The following MAPKAPK5 variants were observed in gnomAD, a reference collection of about 807,000 sequenced individuals.
MAPKAPK5 encodes the protein MAP kinase-activated protein kinase 5.
Under a neutral mutation model 65.1 loss-of-function variants are expected in MAPKAPK5, and 30 were observed. That is an observed-to-expected ratio of 0.46 (90% CI 0.34 to 0.63). MAPKAPK5 has a LOEUF of 0.63. Among genes scored for constraint, MAPKAPK5 ranks in the 20% least tolerant of loss-of-function variants. MAPKAPK5 has a pLI of 0.01. For synonymous variants in MAPKAPK5, 179 were observed against 204.6 expected (o/e 0.87, Z 1.07); for missense variants, 433 against 581.4 (o/e 0.74, Z 2.63).
chr12:111,888,699 T>C, intron 11 of MAPKAPK5, 81 bp downstream of exon 11: 1 of 1,577,614 alleles, frequency 6.3e-7, no homozygotes, highest in South Asian at 1.2e-5. Context: ...AAATTTAACT[T>C]GCTCAGCTAG....
At chr12:111,871,502 G>C (rs1411270259) in intron 7 of MAPKAPK5, among the ~76,000 whole-genome samples, 1 of 152,128 alleles carries the variant, frequency 6.6e-6, no homozygotes, top group Non-Finnish European at 1.5e-5. Flanking sequence ...AATTAGCCGA[G>C]TGTGGTGGCG....
rs1275416284 is a variant in MAPKAPK5 at position 111,895,776 on chromosome 12, A to C, written c.*2715A>C. ...AAACTCCTGACCTCGTGATCCGCCC[A>C]CCTCGGCCTCCCAAAGTGCTGGGAT... On this transcript the variant is annotated 3_prime_UTR_variant, in exon 14 of 14. Transcript: ENST00000550735. 6.6e-6 allele frequency: 1 copy of C among 151,938 alleles called. No individual in the cohort carries two copies. The highest frequency in any genetic ancestry group is 1.9e-4 in the East Asian group (1 of 5,158). 9.4% of individuals were successfully genotyped at this position (151,938 alleles called of 1,614,324 possible). A position where few individuals can be genotyped will look rare whatever the true frequency, so the allele number is the denominator to read the frequency against.
At position 111,867,645 on chromosome 12, in the gene MAPKAPK5, A is replaced by G. The variant is rs753486641; in HGVS notation, c.260A>G (p.Gln87Arg). The G allele has an allele frequency of 1.2e-6, 2 of 1,613,870 alleles. No homozygotes were observed. Among genetic ancestry groups the G allele is most frequent in the East Asian group, 4.5e-5 (2 of 44,888 alleles). The change falls in exon 4 of 14, where the codon CAG becomes CGG. Residue 87 changes from glutamine (Q) to arginine (R), a missense_variant. Gln to Arg is a conservative substitution (Grantham distance 43). Transcript: ENST00000550735. ...ATTGAAGTGTTTGCTAACAGTGTCC[A>G]GTTTCCCCATGAGTCCAGCCCTAGG... ...QIIEVFANSV[Q>R]FPHESSPRAR...
intron 1 of MAPKAPK5, chr12:111,843,259 A>G (rs529307991): frequency 2.5e-6 from 1 of 398,490 alleles, no homozygotes; most frequent in African/African-American, 2.1e-5. Context: ...GGTTGTCCTC[A>G]CTTTTCCGTG....
intron 7 of MAPKAPK5, among the ~76,000 whole-genome samples, chr12:111,876,996 A>C (rs1334799725): frequency 6.6e-6 from 1 of 151,742 alleles, no homozygotes; most frequent in African/African-American, 2.4e-5. Flanking sequence ...TGAGGTAATA[A>C]TTTCATTGTG....
intron 13 of MAPKAPK5, among the ~76,000 whole-genome samples, chr12:111,892,286 C>T (rs1171116620): frequency 2.6e-5 from 4 of 152,080 alleles, no homozygotes; most frequent in Non-Finnish European, 5.9e-5. Context: ...TTGATGAGCT[C>T]ATTTATCTTA....
chr12:111,885,850 C>T (rs2070383258), intron 9 of MAPKAPK5, 66 bp from the exon 10 acceptor site: 6 of 1,606,084 alleles, frequency 3.7e-6, no homozygotes, highest in Non-Finnish European at 5.1e-6. Context: ...GAGCCAGGTC[C>T]AGGAACTTCC....
intron 1 of MAPKAPK5, among the ~76,000 whole-genome samples, chr12:111,847,609 T>C (rs1335365965): frequency 6.6e-6 from 1 of 150,894 alleles, no homozygotes; most frequent in Non-Finnish European, 1.5e-5. Context: ...TTAAAAAAAA[T>C]TGTATAGTTT....
In MAPKAPK5 at chr12:111,842,624, C is replaced by T. The variant is rs2136047863; in HGVS notation, c.-110C>T. The T allele has an allele frequency of 2.8e-6, 2 of 711,026 alleles. No homozygotes were observed. The highest frequency in any genetic ancestry group is 3.4e-5 in the East Asian group (1 of 29,196). 44.0% of individuals were successfully genotyped at this position (711,026 alleles called of 1,614,324 possible). A position where few individuals can be genotyped will look rare whatever the true frequency, so the allele number is the denominator to read the frequency against. On this transcript the variant is annotated 5_prime_UTR_variant, in exon 1 of 14. Coordinates refer to ENST00000550735, the MANE Select transcript of MAPKAPK5 (RefSeq NM_003668.4). ...GTCCCGAGGGGCGGCTGCTGCCCGT[C>T]GCCACGAGGCCCAGGGGCCCGAGTG...
At chr12:111,846,897 G>A (rs2136061907) in intron 1 of MAPKAPK5, among the ~76,000 whole-genome samples, 1 of 152,200 alleles carries the variant, frequency 6.6e-6, no homozygotes, top group South Asian at 2.1e-4. Flanking sequence ...CACTGTATAT[G>A]CTTCCTATCC....
At chr12:111,861,453 C>G (rs918821913) in intron 1 of MAPKAPK5, among the ~76,000 whole-genome samples, 3 of 152,106 alleles carry the variant, frequency 2.0e-5, no homozygotes. Context: ...CTCAACCTCC[C>G]AAGTAGCTGG....
At chr12:111,878,012 T>TC (rs2136129660) in intron 7 of MAPKAPK5, among the ~76,000 whole-genome samples, 1 of 151,976 alleles carries the variant, frequency 6.6e-6, no homozygotes, top group East Asian at 1.9e-4. Flanking sequence ...CTTTTTTTTT[T>TC]TTTTTTTAAA....
At chr12:111,855,841 G>A (rs951669229) in intron 1 of MAPKAPK5, among the ~76,000 whole-genome samples, 5 of 148,902 alleles carry the variant, frequency 3.4e-5, no homozygotes, top group African/African-American at 9.9e-5. Flanking sequence ...AAAAAAATGC[G>A]TTGTTTAATT....
At position 111,857,001 on chromosome 12, in the gene MAPKAPK5, C is replaced by A. The variant is rs142350004; in HGVS notation, c.37-8249C>A. Among the ~76,000 whole-genome samples the A allele has an allele frequency of 1.8e-4, 27 of 152,130 alleles. 1 individual carries two copies. Among genetic ancestry groups the A allele is most frequent in the African/African-American group, 5.8e-4 (24 of 41,524 alleles). Reference sequence around the variant, plus strand: ...CTTTTATGAGGATTATAATATGCATCTTTAATTTATCACAGTCCACTTTGG... The same window carrying A: ...CTTTTATGAGGATTATAATATGCATATTTAATTTATCACAGTCCACTTTGG... On this transcript the variant is annotated intron_variant, in intron 1 of 13. Transcript: ENST00000550735.
At chr12:111,868,715 T>C in intron 4 of MAPKAPK5, 38 bp from the exon 5 acceptor site, 1 of 1,455,476 alleles carries the variant, frequency 6.9e-7, no homozygotes, top group Admixed American at 2.4e-5. Flanking sequence ...TTTCTTTTTT[T>C]TTTTTTTAAC....
intron 7 of MAPKAPK5, among the ~76,000 whole-genome samples, chr12:111,875,422 A>G (rs2069931203): frequency 6.6e-6 from 1 of 151,832 alleles, no homozygotes; most frequent in Admixed American, 6.6e-5. Flanking sequence ...AAAATATTCC[A>G]CTTCTACCCT....
intron 1 of MAPKAPK5, among the ~76,000 whole-genome samples, chr12:111,853,588 G>A (rs1159394586): frequency 6.6e-6 from 1 of 152,098 alleles, no homozygotes; most frequent in Admixed American, 6.6e-5. Flanking sequence ...AGGCTGGAGT[G>A]CAGTGGTGTG....
chr12:111,888,319 T>TTG, intron 10 of MAPKAPK5, 169 bp from the exon 11 acceptor site: 1 of 856,996 alleles, frequency 1.2e-6, no homozygotes, highest in South Asian at 1.9e-5. Flanking sequence ...CTGGTTCCTG[T>TTG]TGATCCATGG....
At chr12:111,850,329 A>G (rs2069037409) in intron 1 of MAPKAPK5, among the ~76,000 whole-genome samples, 7 of 152,166 alleles carry the variant, frequency 4.6e-5, no homozygotes, top group Admixed American at 3.9e-4. Flanking sequence ...GCCTGGCCAA[A>G]ATACCTTTTT....
Sources: allele counts gnomAD v4.1 joint callset (sites outside exome capture counted in the v4.1 genomes callset), GRCh38; gene constraint gnomAD v4.1.1; transcripts MANE v1.5; gene names NCBI Gene and HGNC (gene_info 2026-07-23, HGNC 2026-07-21).